SPIRE1: variants seen among roughly 807,000 people sequenced by gnomAD.
SPIRE1 encodes protein spire homolog 1.
Under a neutral mutation model 94.1 loss-of-function variants are expected in SPIRE1, and 40 were observed. The observed-to-expected ratio is 0.43, with a 90% CI of 0.33 to 0.55. SPIRE1 has a LOEUF of 0.55. SPIRE1 is among the 20% of genes least tolerant of loss of function. The pLI, the probability that SPIRE1 is intolerant of heterozygous loss-of-function variation, is 0.06. For synonymous variants in SPIRE1, 376 were observed against 371.7 expected (o/e 1.01, Z -0.13); for missense variants, 838 against 975.2 (o/e 0.86, Z 1.87).
At position 12,575,008 on chromosome 18, in the gene SPIRE1, T is replaced by A. The variant is rs895960071; in HGVS notation, c.373-28104A>T. Among the ~76,000 whole-genome samples, 4 of 152,088 alleles carry A rather than the reference T, an allele frequency of 2.6e-5. No homozygotes were observed. In the East Asian group the frequency reaches 5.8e-4, roughly 22 times the overall value. ...GGCAATCTGGGTGAGTAAACAGAAA[T>A]GTGTACACAGCAGTCTCAGAAAATT... is the stretch of plus-strand genomic sequence containing the variant. On this transcript the variant is annotated intron_variant, in intron 2 of 16. Coordinates refer to ENST00000409402, the MANE Select transcript of SPIRE1 (RefSeq NM_001128626.2).
At chr18:12,517,107 TA>T (rs1302464837) in intron 4 of SPIRE1, among the ~76,000 whole-genome samples, 1 of 152,188 alleles carries the variant, frequency 6.6e-6, no homozygotes, top group Non-Finnish European at 1.5e-5. Flanking sequence ...GTGCAAATAA[TA>T]ATAGCTATCT....
intron 8 of SPIRE1, among the ~76,000 whole-genome samples, chr18:12,486,335 C>T (rs1182241659): frequency 6.6e-6 from 1 of 151,956 alleles, no homozygotes; most frequent in Non-Finnish European, 1.5e-5. Context: ...TTTAAAAAAG[C>T]CATGTTTTAA....
At chr18:12,547,762 C>A (rs1461993643) in intron 2 of SPIRE1, among the ~76,000 whole-genome samples, 10 of 152,158 alleles carry the variant, frequency 6.6e-5, no homozygotes, top group East Asian at 3.9e-4. Flanking sequence ...GCCAACATGG[C>A]GAAACCCTGT....
At chr18:12,627,017 T>A (rs1304499624) in intron 2 of SPIRE1, among the ~76,000 whole-genome samples, 3 of 151,668 alleles carry the variant, frequency 2.0e-5, no homozygotes, top group Non-Finnish European at 4.4e-5. Context: ...GCCTCTTAAT[T>A]CAAACTAAAT....
chr18:12,546,924 T>G lies in SPIRE1; in HGVS notation c.373-20A>C. The stretch of plus-strand genomic sequence containing the variant: ...AATGACCTAGGAACATTTAAAAAAG[T>G]GGTTAATGGAGATGAATGAAGAGCT... On this transcript the variant is annotated intron_variant, in intron 2 of 16. Transcript: ENST00000409402. 6.4e-7 allele frequency: 1 copy of G among 1,561,312 alleles called. No homozygotes were observed. The highest frequency in any genetic ancestry group is 1.4e-5 in the African/African-American group (1 of 73,554).
chr18:12,624,773 A>T (rs1382314433), intron 2 of SPIRE1, among the ~76,000 whole-genome samples: 8 of 150,570 alleles, frequency 5.3e-5, no homozygotes, highest in Non-Finnish European at 1.2e-4. Flanking sequence ...CAGAGGTTGC[A>T]GTGAGCCGAG....
intron 2 of SPIRE1, among the ~76,000 whole-genome samples, chr18:12,623,432 T>C (rs944833405): frequency 7.3e-5 from 11 of 151,526 alleles, no homozygotes; most frequent in East Asian, 2.0e-4. Context: ...GGATTACAGG[T>C]GTAAGCCACT....
At chr18:12,508,955 G>T (rs550870234) in intron 5 of SPIRE1, among the ~76,000 whole-genome samples, 2 of 152,154 alleles carry the variant, frequency 1.3e-5, no homozygotes, top group Admixed American at 1.3e-4. Flanking sequence ...GATTACAGGC[G>T]TGAGGCCCTG....
At chr18:12,619,574 CG>C (rs1567971776) in intron 2 of SPIRE1, among the ~76,000 whole-genome samples, 3 of 151,950 alleles carry the variant, frequency 2.0e-5, no homozygotes, top group Non-Finnish European at 2.9e-5. Flanking sequence ...ACAGGCTAGG[CG>C]CAGTGGCTCA....
intron 2 of SPIRE1, among the ~76,000 whole-genome samples, chr18:12,585,041 T>C (rs938392702): frequency 6.6e-6 from 1 of 152,146 alleles, no homozygotes; most frequent in Non-Finnish European, 1.5e-5. Context: ...CTTGACCTCG[T>C]GATCCGCCCA....
chr18:12,504,459 A>G (rs866098342), intron 6 of SPIRE1, among the ~76,000 whole-genome samples: 2 of 152,304 alleles, frequency 1.3e-5, no homozygotes, highest in Non-Finnish European at 2.9e-5. Flanking sequence ...GTGAGCCAAG[A>G]TCACGCCACT....
chr18:12,493,650 A>G (rs1048172188), intron 7 of SPIRE1, among the ~76,000 whole-genome samples: 5 of 151,806 alleles, frequency 3.3e-5, no homozygotes, highest in Admixed American at 6.6e-5. Flanking sequence ...CAAGTGATCC[A>G]CCCTCCTCAG....
At chr18:12,568,798 T>C (rs933248795) in intron 2 of SPIRE1, among the ~76,000 whole-genome samples, 3 of 152,290 alleles carry the variant, frequency 2.0e-5, no homozygotes, top group Admixed American at 1.3e-4. Context: ...CTCTCAGACA[T>C]ATATGGTTTA....
At chr18:12,601,170 CAGCACTCTGGG>C (rs1448638062) in intron 2 of SPIRE1, among the ~76,000 whole-genome samples, 3 of 151,964 alleles carry the variant, frequency 2.0e-5, no homozygotes, top group Non-Finnish European at 2.9e-5. Context: ...CCTGTAATCC[CAGCACTCTGGG>C]AGGCCGCGGC....
intron 2 of SPIRE1, among the ~76,000 whole-genome samples, chr18:12,607,949 G>A (rs1419399837): frequency 1.3e-5 from 2 of 152,064 alleles, no homozygotes; most frequent in East Asian, 1.9e-4. Context: ...AAGGTCAGGA[G>A]ATCGAGACCA....
rs560748120 is a variant in SPIRE1, at chr18:12,658,056, G to C, written c.-190C>G. 4 of 991,576 alleles carry C rather than the reference G, an allele frequency of 4.0e-6. No homozygotes were observed. The highest frequency in any genetic ancestry group is 5.2e-4 in the Middle Eastern group (1 of 1,940). 61.4% of individuals were successfully genotyped at this position (991,576 alleles called of 1,614,324 possible). On this transcript the variant is annotated 5_prime_UTR_variant, in exon 1 of 17. Coordinates refer to ENST00000409402, the MANE Select transcript of SPIRE1 (RefSeq NM_001128626.2). ...GGCAAGAGGAGGGCGGCGAGGACAC[G>C]GCTGCAGTCCCGGTCAGACAGCCGC...
At chr18:12,615,345 A>AAAAAAAAAAAAAAATATAT in intron 2 of SPIRE1, among the ~76,000 whole-genome samples, 4 of 17,242 alleles carry the variant, frequency 2.3e-4, no homozygotes, top group African/African-American at 3.5e-4. Flanking sequence ...AAAAAAAAAA[A>AAAAAAAAAAAAAAATATAT]ATATATATAT....
At chr18:12,493,957 T>C (rs1249634206) in intron 7 of SPIRE1, among the ~76,000 whole-genome samples, 1 of 152,182 alleles carries the variant, frequency 6.6e-6, no homozygotes, top group Non-Finnish European at 1.5e-5. Flanking sequence ...CAGGCTGGAG[T>C]GCAGTGGCAC....
intron 5 of SPIRE1, among the ~76,000 whole-genome samples, chr18:12,508,082 G>T (rs2033898981): frequency 6.6e-6 from 1 of 152,052 alleles, no homozygotes; most frequent in Non-Finnish European, 1.5e-5. Flanking sequence ...GGAGGCGGAG[G>T]TTGCAGTGAG....
Sources: gnomAD v4.1 joint callset for allele counts (sites outside exome capture counted in the v4.1 genomes callset) on GRCh38, gnomAD v4.1.1 for gene constraint, MANE v1.5 for transcripts, NCBI Gene and HGNC (gene_info 2026-07-23, HGNC 2026-07-21) for gene names.